The following CALN1 variants were observed in gnomAD, a reference collection of about 807,000 sequenced individuals.
CALN1 encodes calcium-binding protein 8.
CALN1 carries 17 observed loss-of-function variants against 30.6 expected under a neutral mutation model. The ratio of observed to expected loss-of-function variants is 0.56; its 90% CI spans 0.38 to 0.83. CALN1 has a LOEUF of 0.83. CALN1 is among the 40% of genes least tolerant of loss of function. The pLI, the probability that CALN1 is intolerant of heterozygous loss-of-function variation, is 0.00. For synonymous variants in CALN1, 156 were observed against 131.4 expected, an observed-to-expected ratio of 1.19 and a Z score of -1.28; for missense variants, 291 against 354.9, an observed-to-expected ratio of 0.82 and a Z score of 1.45.
intron 2 of CALN1, among the ~76,000 whole-genome samples, chr7:72,399,366 G>A (rs1806188569): frequency 7.1e-6 from 1 of 141,512 alleles, no homozygotes; most frequent in Non-Finnish European, 1.5e-5. Context: ...CGCCTCCCAG[G>A]TTCAAGCGAT....
At position 71,847,847 on chromosome 7, in the gene CALN1, G is replaced by GAGAAGAAGAAGA. The variant is rs66530230; in HGVS notation, c.502-37367_502-37356dup. 2.8e-3 allele frequency among the ~76,000 whole-genome samples: 383 copies of GAGAAGAAGAAGA among 134,880 alleles called. 5 individuals carry two copies. The highest frequency in any genetic ancestry group is 0.01 in the African/African-American group (357 of 34,294). The allele number at this position is 134,880 out of a possible 152,430, so 88.5% of individuals were successfully genotyped here. A position where few individuals can be genotyped will look rare whatever the true frequency, so the allele number is the denominator to read the frequency against. On this transcript the variant is annotated intron_variant, in intron 5 of 6. Transcript: ENST00000395275. Reference sequence around the variant, plus strand: ...GGAGAAGGAGAAGGAGAAGGAGAAGGAGAAGAAGAAGAGGAAAGTTTTCCC... The same window carrying GAGAAGAAGAAGA: ...GGAGAAGGAGAAGGAGAAGGAGAAGGAGAAGAAGAAGAAGAAGAAGAAGAGGAAAGTTTTCCC...
the CALN1 span, among the ~76,000 whole-genome samples, chr7:72,469,848 G>A: frequency 6.6e-6 from 1 of 152,146 alleles, no homozygotes; most frequent in Admixed American, 6.5e-5. Flanking sequence ...TAGGTGACTC[G>A]AATCAGTTCT....
chr7:71,901,288 C>CA (rs1793832335), intron 5 of CALN1, among the ~76,000 whole-genome samples: 1 of 152,048 alleles, frequency 6.6e-6, no homozygotes, highest in African/African-American at 2.4e-5. Flanking sequence ...AAAAATATTC[C>CA]ATGCTCATGG....
chr7:72,219,636 C>A (rs190692357), intron 3 of CALN1, among the ~76,000 whole-genome samples: 1 of 151,742 alleles, frequency 6.6e-6, no homozygotes, highest in Non-Finnish European at 1.5e-5. Context: ...GATACACATG[C>A]GCGCACACAC....
rs71092916 is a variant in CALN1, at chr7:71,810,896, C to CTTT, written c.502-407_502-405dup. Among the ~76,000 whole-genome samples, 268 of 139,178 alleles carry CTTT rather than the reference C, an allele frequency of 1.9e-3. 13 individuals are homozygous for CTTT. Among genetic ancestry groups the CTTT allele is most frequent in the East Asian group, 8.3e-3 (39 of 4,716 alleles). The allele number at this position is 139,178 out of a possible 152,430, so 91.3% of individuals were successfully genotyped here. ...TTCCCATATTGGTTTAAGCATGTAT[C>CTTT]TTTTTTTTTTTTTTTTTGAGATAGA... On this transcript the variant is annotated intron_variant, in intron 5 of 6. Transcript: ENST00000395275.
At chr7:71,866,296 C>T (rs1051283968) in intron 5 of CALN1, among the ~76,000 whole-genome samples, 1 of 152,016 alleles carries the variant, frequency 6.6e-6, no homozygotes, top group Admixed American at 6.6e-5. Context: ...CATGAGGCAC[C>T]GCGCCCAGCC....
intron 2 of CALN1, among the ~76,000 whole-genome samples, chr7:72,380,494 G>A (rs543138326): frequency 2.5e-4 from 38 of 152,238 alleles, no homozygotes; most frequent in African/African-American, 6.7e-4. Flanking sequence ...ATGGTGGTGC[G>A]CATCTGTAGT....
At chr7:72,187,857 G>A (rs1490621329) in intron 3 of CALN1, among the ~76,000 whole-genome samples, 1 of 152,106 alleles carries the variant, frequency 6.6e-6, no homozygotes. Flanking sequence ...ATCTGTATGG[G>A]AGTCACAATT....
At chr7:71,799,742 C>T (rs28447336) in intron 6 of CALN1, among the ~76,000 whole-genome samples, 193 of 152,232 alleles carry the variant, frequency 1.3e-3, no homozygotes, top group African/African-American at 4.5e-3. Context: ...TCCCAAAGTG[C>T]TGGGACTACA....
intron 5 of CALN1, among the ~76,000 whole-genome samples, chr7:71,924,751 A>G (rs956140258): frequency 6.6e-6 from 1 of 152,200 alleles, no homozygotes; most frequent in African/African-American, 2.4e-5. Context: ...AAGAGCCTGA[A>G]AACAGTATTC....
intron 5 of CALN1, among the ~76,000 whole-genome samples, chr7:71,824,089 G>T (rs1220179367): frequency 2.0e-5 from 3 of 152,074 alleles, no homozygotes; most frequent in African/African-American, 4.8e-5. Context: ...CATATCATGG[G>T]TGTCTCACTA....
At chr7:71,796,211 G>A (rs1427916133) in intron 6 of CALN1, among the ~76,000 whole-genome samples, 1 of 151,862 alleles carries the variant, frequency 6.6e-6, no homozygotes, top group Non-Finnish European at 1.5e-5. Flanking sequence ...TAAACGTTTG[G>A]GTTCCTTCCA....
chr7:72,387,605 C>T (rs903722404), intron 2 of CALN1, among the ~76,000 whole-genome samples: 2 of 152,120 alleles, frequency 1.3e-5, no homozygotes, highest in African/African-American at 4.8e-5. Context: ...TCCCCTACAC[C>T]CATCACCCCA....
At chr7:71,880,824 C>T (rs1792518471) in intron 5 of CALN1, among the ~76,000 whole-genome samples, 2 of 152,166 alleles carry the variant, frequency 1.3e-5, no homozygotes, top group African/African-American at 2.4e-5. Flanking sequence ...AGTTATCTTC[C>T]CTACCACTTT....
chr7:72,039,747 C>T (rs1802011793), intron 4 of CALN1, among the ~76,000 whole-genome samples: 1 of 152,168 alleles, frequency 6.6e-6, no homozygotes, highest in Admixed American at 6.5e-5. Flanking sequence ...GGCCTCTCAC[C>T]CTTTTGGCTA....
rs544286544 is a variant in CALN1, at chr7:71,995,238, G to C, written c.501+28419C>G. Among the ~76,000 whole-genome samples the C allele has an allele frequency of 4.6e-5, 7 of 152,302 alleles. No homozygotes were observed. The East Asian group carries it at 1.2e-3, about 25-fold the overall frequency. ...GTCCTTACTGTACACGTGATGAAGA[G>C]AGAAGGGAAGACAGAGCCTCCGTGC... On this transcript the variant is annotated intron_variant, in intron 5 of 6. Coordinates refer to ENST00000395275, the MANE Select transcript of CALN1 (RefSeq NM_031468.4).
chr7:72,118,271 A>G (rs1000015887), intron 3 of CALN1, among the ~76,000 whole-genome samples: 1 of 152,222 alleles, frequency 6.6e-6, no homozygotes, highest in Non-Finnish European at 1.5e-5. Context: ...GGTTATGAAA[A>G]ATAATAATTT....
At position 71,952,182 on chromosome 7, in the gene CALN1, C is replaced by T. The variant is rs571061405; in HGVS notation, c.501+71475G>A. Among the ~76,000 whole-genome samples, 454 of 152,274 alleles carry T rather than the reference C, an allele frequency of 3.0e-3. 1 individual carries two copies. Among genetic ancestry groups the T allele is most frequent in the African/African-American group, 8.6e-3 (357 of 41,566 alleles). On this transcript the variant is annotated intron_variant, in intron 5 of 6. Transcript: ENST00000395275. ...TCACTGATCTGTTGAATTGGATATG[C>T]GACCTGCAACTGCTAAATTGAAGAT...
intron 2 of CALN1, among the ~76,000 whole-genome samples, chr7:72,338,530 T>TGTCTGTCTCC (rs1802228786): frequency 6.8e-6 from 1 of 146,610 alleles, no homozygotes; most frequent in Non-Finnish European, 1.5e-5. Flanking sequence ...TGTGTGTGTC[T>TGTCTGTCTCC]CACCTGGGTG....
Sources: gnomAD v4.1 joint callset for allele counts (sites outside exome capture counted in the v4.1 genomes callset) on GRCh38, gnomAD v4.1.1 for gene constraint, MANE v1.5 for transcripts, NCBI Gene and HGNC (gene_info 2026-07-23, HGNC 2026-07-21) for gene names.